RBBP4: variants seen among roughly 807,000 people sequenced by gnomAD.
The protein encoded by RBBP4 is RB binding protein 4, chromatin remodeling factor.
Under a neutral mutation model 57.2 loss-of-function variants are expected in RBBP4, and 3 were observed. The observed-to-expected ratio is 0.05, with a 90% CI of 0.02 to 0.14. The LOEUF is 0.14. Ranked by LOEUF, RBBP4 falls within the 10% of genes least tolerant of loss-of-function variation. The pLI is 1.00. For synonymous variants in RBBP4, 151 were observed against 171.5 expected, an observed-to-expected ratio of 0.88 and a Z score of 0.93; for missense variants, 107 against 520.6, an observed-to-expected ratio of 0.21 and a Z score of 7.73.
chr1:32,658,411 G>T (rs954571796), intron 3 of RBBP4, among the ~76,000 whole-genome samples: 2 of 151,682 alleles, frequency 1.3e-5, no homozygotes, highest in African/African-American at 4.8e-5. Context: ...CCCTTTCTAG[G>T]TTTAAAGTGG....
chr1:32,669,052 G>A lies in RBBP4; in HGVS notation c.681G>A (p.Thr227=), dbSNP rs780746346. ...VDAKTIFTGH[T]AVVEDVSWHL... ...CGAAGACCATCTTTACAGGGCATAC[G>A]GCAGTAGTAGAAGATGTTTCCTGGC... Residue 227 remains threonine (T), a synonymous_variant, in exon 6 of 12, where the codon ACG becomes ACA. Coordinates refer to ENST00000373493, the MANE Select transcript of RBBP4 (RefSeq NM_005610.3). This position sits in a 1 kb window ranked among gnomAD's most constrained non-coding sequence, Gnocchi z 4.9. 1.9e-6 allele frequency: 3 copies of A among 1,614,042 alleles called. No individual in the cohort carries two copies. The highest frequency in any genetic ancestry group is 2.2e-5 in the East Asian group (1 of 44,884).
rs892315304 is a variant in RBBP4 at position 32,685,728 on chromosome 1, C to T, written c.*6023C>T. ...CTCAGTCCTCACTACCTACCAGACC[C>T]GTTGGTAAGGTACAAAAGTACATGC... is the stretch of plus-strand genomic sequence containing the variant. On this transcript the variant is annotated 3_prime_UTR_variant, in exon 12 of 12. Coordinates refer to ENST00000373493, the MANE Select transcript of RBBP4 (RefSeq NM_005610.3). 2.0e-5 allele frequency: 3 copies of T among 152,152 alleles called. No individual in the cohort carries two copies. The highest frequency in any genetic ancestry group is 6.5e-5 in the Admixed American group (1 of 15,276). 9.4% of individuals were successfully genotyped at this position (152,152 alleles called of 1,614,324 possible).
chr1:32,676,548 G>T (rs1649107395), intron 11 of RBBP4, among the ~76,000 whole-genome samples: 1 of 149,760 alleles, frequency 6.7e-6, no homozygotes, highest in Admixed American at 6.7e-5. Flanking sequence ...AGGCGGAGGA[G>T]TTGCGGTGAG....
intron 4 of RBBP4, 54 bp from the exon 5 acceptor site, chr1:32,668,682 CAGT>C (rs1427115181): frequency 7.2e-6 from 10 of 1,384,026 alleles, no homozygotes; most frequent in Non-Finnish European, 1.0e-5. Context: ...CCATTATGCT[CAGT>C]AGGCCCAGAG....
chr1:32,669,560 C>T lies in RBBP4; in HGVS notation c.963C>T (p.Phe321=). The T allele has an allele frequency of 6.3e-7, 1 of 1,593,454 alleles. No individual in the cohort carries two copies. The change falls in exon 8 of 12, where the codon TTC becomes TTT. Residue 321 remains phenylalanine (F), a synonymous_variant. Transcript: ENST00000373493. The surrounding 1 kb of genome is among the most constrained non-coding windows in gnomAD (Gnocchi z 4.9). The part of the protein sequence containing the change: ...HSFESHKDEI[F]QVQWSPHNET... The stretch of plus-strand genomic sequence containing the variant: ...TTGAGTCACATAAGGATGAAATATT[C>T]CAGGTAAGAGAAACTAATGCTACTA...
chr1:32,660,355 C>T (rs1648346800), intron 3 of RBBP4, among the ~76,000 whole-genome samples: 1 of 152,114 alleles, frequency 6.6e-6, no homozygotes, highest in African/African-American at 2.4e-5. Flanking sequence ...ACGATCCTCC[C>T]ACCTATGCCT....
chr1:32,654,207 C>G (rs1241609458), intron 2 of RBBP4, among the ~76,000 whole-genome samples: 1 of 152,006 alleles, frequency 6.6e-6, no homozygotes, highest in East Asian at 1.9e-4. Context: ...AAGCCCGTCT[C>G]TACTAAAATT....
chr1:32,668,519 T>C (rs951050074), intron 4 of RBBP4, 121 bp downstream of exon 4: 12 of 1,145,844 alleles, frequency 1.0e-5, no homozygotes, highest in Admixed American at 5.4e-5. Flanking sequence ...TGTATTGATA[T>C]GTGTATATTT....
Position 32,679,603 on chromosome 1 carries a change from T to C in RBBP4, c.1213-37T>C, listed in dbSNP as rs370477510. On this transcript the variant is annotated intron_variant, in intron 11 of 11. Coordinates refer to ENST00000373493, the MANE Select transcript of RBBP4 (RefSeq NM_005610.3). ...TTGAAACCTTGAGTTTTAGAAGAAG[T>C]CTTCATGTTTAAATTCTTTTTCTTG... 2.0e-6 allele frequency: 3 copies of C among 1,532,730 alleles called. No individual in the cohort carries two copies. In the African/African-American group the frequency reaches 4.2e-5, roughly 22 times the overall value. The allele number at this position is 1,532,730 out of a possible 1,614,324, so 94.9% of individuals were successfully genotyped here.
At chr1:32,673,990 C>T (rs1481616644) in intron 11 of RBBP4, among the ~76,000 whole-genome samples, 2 of 151,906 alleles carry the variant, frequency 1.3e-5, no homozygotes, top group African/African-American at 4.8e-5. Flanking sequence ...AGTCCCAGCT[C>T]CTCAGGAGGC....
At chr1:32,664,483 C>T (rs1648562073) in intron 3 of RBBP4, among the ~76,000 whole-genome samples, 1 of 152,028 alleles carries the variant, frequency 6.6e-6, no homozygotes, top group Admixed American at 6.6e-5. Flanking sequence ...GACAGAGTCT[C>T]ACTCTGTCGC....
At chr1:32,668,472 T>G (rs1648744702) in intron 4 of RBBP4, 74 bp downstream of exon 4, 3 of 1,382,722 alleles carry the variant, frequency 2.2e-6, no homozygotes, top group Non-Finnish European at 3.0e-6. Context: ...GTGAGTTTAA[T>G]TGCATGTTAC....
chr1:32,658,361 T>TAAAA (rs59613858), intron 3 of RBBP4, among the ~76,000 whole-genome samples: 36 of 142,072 alleles, frequency 2.5e-4, no homozygotes, highest in African/African-American at 8.0e-4. Flanking sequence ...GGAGCAATAG[T>TAAAA]AAAAAAAAAA....
At chr1:32,676,478 C>T (rs193110569) in intron 11 of RBBP4, among the ~76,000 whole-genome samples, 34 of 151,162 alleles carry the variant, frequency 2.2e-4, no homozygotes, top group Non-Finnish European at 4.4e-4. Flanking sequence ...GGCATGGTGA[C>T]GGGCGCCTGT....
chr1:32,669,168 G>A lies in RBBP4; in HGVS notation c.761+36G>A. 6.2e-7 allele frequency: 1 copy of A among 1,612,222 alleles called. No individual in the cohort carries two copies. The highest frequency in any genetic ancestry group is 8.5e-7 in the Non-Finnish European group (1 of 1,179,352). ...TCCATTCAGAGTTTCTAAATATCTT[G>A]TCTAAGTTTTATGTTTAGTCACCAT... On this transcript the variant is annotated intron_variant, in intron 6 of 11. Coordinates refer to ENST00000373493, the MANE Select transcript of RBBP4 (RefSeq NM_005610.3). This position sits in a 1 kb window ranked among gnomAD's most constrained non-coding sequence, Gnocchi z 4.9.
rs771171693 is a variant in RBBP4 at position 32,683,983 on chromosome 1, C to T, written c.*4278C>T. The T allele has an allele frequency of 8.7e-6, 14 of 1,606,032 alleles. No homozygotes were observed. In the African/African-American group the frequency reaches 1.3e-4, roughly 15 times the overall value. On this transcript the variant is annotated 3_prime_UTR_variant, in exon 12 of 12. Coordinates refer to ENST00000373493, the MANE Select transcript of RBBP4 (RefSeq NM_005610.3). ...GTTAGGAAAGCAGTAACAATGCAAA[C>T]ACCACTCTTCTCTTCACAAAGATCA...
Position 32,669,371 on chromosome 1 carries a change from AT to A in RBBP4, c.888+18del, listed in dbSNP as rs1466148024. 6.3e-7 allele frequency: 1 copy of A among 1,586,326 alleles called. No homozygotes were observed. The highest frequency in any genetic ancestry group is 8.5e-7 in the Non-Finnish European group (1 of 1,172,508). On this transcript the variant is annotated intron_variant, in intron 7 of 11. Transcript: ENST00000373493. This position sits in a 1 kb window ranked among gnomAD's most constrained non-coding sequence, Gnocchi z 4.9. The stretch of plus-strand genomic sequence containing the variant: ...TCAGCTGACAAGGTCAGTTTCGTTT[AT>A]TTTAATAGAAAACATAATTTCTCTA...
chr1:32,652,210 A>G, intron 2 of RBBP4, 149 bp downstream of exon 2: 1 of 901,650 alleles, frequency 1.1e-6, no homozygotes, highest in Non-Finnish European at 1.6e-6. Flanking sequence ...AAGTAAGGCA[A>G]AATAACAAAA....
intron 2 of RBBP4, among the ~76,000 whole-genome samples, chr1:32,655,742 T>C (rs1488404141): frequency 6.6e-6 from 1 of 152,236 alleles, no homozygotes; most frequent in African/African-American, 2.4e-5. Context: ...GTTGTTCCTA[T>C]TTCTTTTCAT....
Sources: allele counts gnomAD v4.1 joint callset (sites outside exome capture counted in the v4.1 genomes callset), GRCh38; gene constraint gnomAD v4.1.1; non-coding constraint Gnocchi (gnomAD v3.1); transcripts MANE v1.5; gene names NCBI Gene and HGNC (gene_info 2026-07-23, HGNC 2026-07-21).